WWOX: variants seen among roughly 807,000 people sequenced by gnomAD.
WWOX encodes the protein WW domain containing oxidoreductase, also known as WW domain-containing oxidoreductase.
In WWOX, 69 loss-of-function variants were observed where a neutral mutation model predicts 46.2. That is an observed-to-expected ratio of 1.49 (90% CI 1.23 to 1.82). WWOX has a LOEUF of 1.82. Ranked by LOEUF, WWOX falls within the 40% of genes most tolerant of loss-of-function variation. WWOX has a pLI of 0.00. For missense variants in WWOX, 919 were observed against 542.6 expected (o/e 1.69, Z -6.89); for synonymous variants, 359 against 202.6 (o/e 1.77, Z -6.56).
chr16:78,720,630 C>G (rs1299672676), intron 8 of WWOX, among the ~76,000 whole-genome samples: 2 of 152,046 alleles, frequency 1.3e-5, no homozygotes, highest in Non-Finnish European at 2.9e-5. Flanking sequence ...CAGCATTTCA[C>G]ATTCTTGACC....
At chr16:78,643,079 C>G (rs993022607) in intron 8 of WWOX, among the ~76,000 whole-genome samples, 11 of 152,110 alleles carry the variant, frequency 7.2e-5, no homozygotes, top group African/African-American at 2.7e-4. Flanking sequence ...CTAGATAAGC[C>G]AAGATAAGGT....
chr16:78,536,859 C>T (rs1244196860), intron 8 of WWOX, among the ~76,000 whole-genome samples: 1 of 148,320 alleles, frequency 6.7e-6, no homozygotes, highest in Non-Finnish European at 1.5e-5. Context: ...CAATGAAAGT[C>T]GTTTATTGAG....
chr16:78,115,174 AT>A lies in WWOX; in HGVS notation c.409+23del, dbSNP rs1283117114. ...GAATAGGTAGGCTCTTCACTTAGTT[AT>A]TTATCTTTGGGACTGCTATAATGAG... On this transcript the variant is annotated intron_variant, in intron 4 of 8. Transcript: ENST00000566780. 6.2e-7 allele frequency: 1 copy of A among 1,614,078 alleles called. No homozygotes were observed. Among genetic ancestry groups the A allele is most frequent in the South Asian group, 1.1e-5 (1 of 91,080 alleles).
chr16:78,473,039 A>T (rs1409255006), intron 8 of WWOX, among the ~76,000 whole-genome samples: 1 of 152,166 alleles, frequency 6.6e-6, no homozygotes, highest in Non-Finnish European at 1.5e-5. Flanking sequence ...GAAAGGAAAA[A>T]TATTTCAAGG....
At chr16:78,358,918 A>C (rs948363220) in intron 5 of WWOX, among the ~76,000 whole-genome samples, 9 of 134,302 alleles carry the variant, frequency 6.7e-5, no homozygotes, top group Admixed American at 2.5e-4. Context: ...TTCTATGTCA[A>C]TACATACTGT....
chr16:78,547,560 G>C (rs1476898424), intron 8 of WWOX, among the ~76,000 whole-genome samples: 1 of 152,108 alleles, frequency 6.6e-6, no homozygotes, highest in East Asian at 1.9e-4. Context: ...GTCTGTCCTG[G>C]CTACTATAAC....
At chr16:79,133,857 T>G (rs1038150814) in intron 8 of WWOX, among the ~76,000 whole-genome samples, 1 of 152,216 alleles carries the variant, frequency 6.6e-6, no homozygotes, top group Non-Finnish European at 1.5e-5. Flanking sequence ...TTCAAAGGCT[T>G]GGCACAAAAA....
intron 8 of WWOX, among the ~76,000 whole-genome samples, chr16:78,582,560 G>A (rs894893256): frequency 1.3e-5 from 2 of 152,128 alleles, no homozygotes; most frequent in African/African-American, 4.8e-5. Flanking sequence ...TGCAATCCTT[G>A]TGTTTCTAAT....
intron 5 of WWOX, among the ~76,000 whole-genome samples, chr16:78,178,718 G>A (rs1446473437): frequency 2.0e-5 from 3 of 152,138 alleles, no homozygotes; most frequent in East Asian, 3.9e-4. Context: ...ACAAAAATTA[G>A]CCAGTTGTCT....
At chr16:78,544,778 G>A (rs72803940) in intron 8 of WWOX, among the ~76,000 whole-genome samples, 5 of 152,058 alleles carry the variant, frequency 3.3e-5, no homozygotes, top group South Asian at 4.1e-4. Flanking sequence ...AGGAGACTGC[G>A]GTAGGGGGAT....
chr16:79,069,811 C>G (rs942104356), intron 8 of WWOX, among the ~76,000 whole-genome samples: 3 of 152,120 alleles, frequency 2.0e-5, no homozygotes, highest in Admixed American at 6.6e-5. Flanking sequence ...CTGTGTTTTG[C>G]TAACTGGTGT....
chr16:78,711,845 A>G (rs551487449), intron 8 of WWOX, among the ~76,000 whole-genome samples: 7 of 152,246 alleles, frequency 4.6e-5, no homozygotes, highest in South Asian at 2.1e-4. Flanking sequence ...ATTGATCACA[A>G]TTATTCCGTA....
intron 8 of WWOX, among the ~76,000 whole-genome samples, chr16:78,644,766 C>G (rs974862498): frequency 3.9e-5 from 6 of 152,156 alleles, no homozygotes; most frequent in Non-Finnish European, 5.9e-5. Flanking sequence ...CCCAGCCAAA[C>G]CTCGGCACTT....
intron 8 of WWOX, among the ~76,000 whole-genome samples, chr16:78,916,021 G>T (rs1316149279): frequency 2.0e-5 from 3 of 152,174 alleles, no homozygotes. Flanking sequence ...TCTAATTAGG[G>T]AAAGGGAATT....
At chr16:78,878,102 G>A (rs1040291295) in intron 8 of WWOX, among the ~76,000 whole-genome samples, 4 of 152,138 alleles carry the variant, frequency 2.6e-5, no homozygotes, top group East Asian at 1.9e-4. Context: ...GGCTCAGTAA[G>A]TATCCACTGG....
chr16:79,212,390 C>A lies in WWOX; in HGVS notation c.*594C>A. 2.1e-6 allele frequency: 1 copy of A among 466,180 alleles called. No homozygotes were observed. Among genetic ancestry groups the A allele is most frequent in the South Asian group, 4.1e-5 (1 of 24,216 alleles). 28.9% of individuals were successfully genotyped at this position (466,180 alleles called of 1,614,324 possible). ...TAGAATACGCAGAACTACCAGGTGG[C>A]AAAGTACTTGTCATAGACTCCTTTG... On this transcript the variant is annotated 3_prime_UTR_variant, in exon 9 of 9. Coordinates refer to ENST00000566780, the MANE Select transcript of WWOX (RefSeq NM_016373.4).
chr16:78,315,981 C>G (rs966616227), intron 5 of WWOX, among the ~76,000 whole-genome samples: 5 of 151,912 alleles, frequency 3.3e-5, no homozygotes, highest in Non-Finnish European at 5.9e-5. Context: ...TGCGGTCACT[C>G]AAACCTGTAA....
chr16:78,269,854 A>G (rs2079439223), intron 5 of WWOX, among the ~76,000 whole-genome samples: 1 of 151,922 alleles, frequency 6.6e-6, no homozygotes, highest in African/African-American at 2.4e-5. Context: ...CTAATTTGAA[A>G]AATGTCACCG....
chr16:78,432,822 C>A, intron 8 of WWOX, 70 bp downstream of exon 8: 2 of 1,609,068 alleles, frequency 1.2e-6, no homozygotes, highest in South Asian at 1.1e-5. Flanking sequence ...GTGTCTCCAC[C>A]TTTTTACCTC....
Sources: gnomAD v4.1 joint callset for allele counts (sites outside exome capture counted in the v4.1 genomes callset) on GRCh38, gnomAD v4.1.1 for gene constraint, MANE v1.5 for transcripts, NCBI Gene and HGNC (gene_info 2026-07-23, HGNC 2026-07-21) for gene names.